Variants in FAM228B observed in about 807,000 individuals in gnomAD.
FAM228B encodes the protein protein FAM228B.
Under a neutral mutation model 42.6 loss-of-function variants are expected in FAM228B, and 38 were observed. The observed-to-expected ratio is 0.89, with a 90% CI of 0.69 to 1.17. The LOEUF (loss-of-function observed/expected upper bound fraction) is 1.17, where lower values mean the gene tolerates loss of function less well. Ranked by LOEUF, FAM228B falls within the 50% of genes most tolerant of loss-of-function variation. FAM228B has a pLI of 0.00. For synonymous variants in FAM228B, 109 were observed against 122.3 expected (o/e 0.89, Z 0.72); for missense variants, 344 against 367.3 (o/e 0.94, Z 0.52).
chr2:24,090,174 A>G (rs1342816441), intron 2 of FAM228B, among the ~76,000 whole-genome samples: 3 of 151,514 alleles, frequency 2.0e-5, no homozygotes, highest in South Asian at 2.1e-4. Flanking sequence ...AGGTTGAAGC[A>G]GGAGAATGGC....
At chr2:24,091,572 C>G (rs1185193811) in intron 2 of FAM228B, among the ~76,000 whole-genome samples, 4 of 152,078 alleles carry the variant, frequency 2.6e-5, no homozygotes, top group Admixed American at 2.6e-4. Flanking sequence ...ACACCAGAAT[C>G]AATAGCTTTA....
intron 3 of FAM228B, among the ~76,000 whole-genome samples, chr2:24,104,156 G>C (rs1020415678): frequency 2.6e-5 from 4 of 152,200 alleles, no homozygotes; most frequent in Non-Finnish European, 5.9e-5. Flanking sequence ...ATGGAGCCAG[G>C]AGAACCTCTC....
rs948412414 is a variant in FAM228B, at chr2:24,095,356, C to T, written c.-121+127C>T. The stretch of plus-strand genomic sequence containing the variant: ...GGTCAGGGGATTTCCCTTTCCTAGC[C>T]AAGGGAAGCCGTGACAGACTACCTG... On this transcript the variant is annotated intron_variant, in intron 3 of 10. Transcript: ENST00000613899. The surrounding 1 kb of genome is among the most constrained non-coding windows in gnomAD (Gnocchi z 4.8). 6.6e-6 allele frequency: 1 copy of T among 152,304 alleles called. No homozygotes were observed. Among genetic ancestry groups the T allele is most frequent in the Admixed American group, 6.5e-5 (1 of 15,290 alleles). The allele number at this position is 152,304 out of a possible 1,614,324, so 9.4% of individuals were successfully genotyped here.
At chr2:24,091,138 T>C (rs181039822) in intron 2 of FAM228B, among the ~76,000 whole-genome samples, 2 of 152,352 alleles carry the variant, frequency 1.3e-5, no homozygotes, top group East Asian at 1.9e-4. Context: ...GATATGATTG[T>C]AGACTTAGAA....
At chr2:24,096,815 C>G (rs1573734655) in intron 3 of FAM228B, 1 of 151,968 alleles carries the variant, frequency 6.6e-6, no homozygotes, top group Non-Finnish European at 1.5e-5. Context: ...GAAGAGCAAC[C>G]CCAAGACACA....
At chr2:24,152,260 C>T (rs1225356322) in intron 7 of FAM228B, among the ~76,000 whole-genome samples, 1 of 152,192 alleles carries the variant, frequency 6.6e-6, no homozygotes, top group Non-Finnish European at 1.5e-5. Flanking sequence ...CTTTGAGTTT[C>T]TTCAGAATAG....
At chr2:24,085,445 G>A (rs1190368524) in intron 2 of FAM228B, among the ~76,000 whole-genome samples, 1 of 152,076 alleles carries the variant, frequency 6.6e-6, no homozygotes, top group Non-Finnish European at 1.5e-5. Flanking sequence ...AGGATGTTTA[G>A]CAGCATCCCT....
intron 7 of FAM228B, among the ~76,000 whole-genome samples, chr2:24,156,260 G>A (rs889789083): frequency 1.3e-5 from 2 of 152,148 alleles, no homozygotes; most frequent in South Asian, 4.1e-4. Flanking sequence ...AAATATCAGG[G>A]TTCTTCTTTA....
intron 3 of FAM228B, among the ~76,000 whole-genome samples, chr2:24,100,674 A>G (rs911885198): frequency 6.6e-6 from 1 of 152,228 alleles, no homozygotes; most frequent in Non-Finnish European, 1.5e-5. Flanking sequence ...GGGAGTGTAA[A>G]TTAGTTCAAC....
intron 8 of FAM228B, among the ~76,000 whole-genome samples, chr2:24,163,272 G>A (rs1667323602): frequency 6.6e-6 from 1 of 152,174 alleles, no homozygotes; most frequent in Non-Finnish European, 1.5e-5. Context: ...AAGCTGGAGG[G>A]CTTTTAGAGA....
chr2:24,088,590 A>T (rs1315881411), intron 2 of FAM228B, among the ~76,000 whole-genome samples: 1 of 152,202 alleles, frequency 6.6e-6, no homozygotes, highest in Non-Finnish European at 1.5e-5. Flanking sequence ...GGCTCAAGAG[A>T]TCCACCTGCT....
At chr2:24,110,772 C>G (rs183426760) in intron 3 of FAM228B, among the ~76,000 whole-genome samples, 42 of 152,270 alleles carry the variant, frequency 2.8e-4, no homozygotes, top group Admixed American at 4.6e-4. Context: ...GACTCCCCCC[C>G]CAAATCTGTA....
At chr2:24,083,097 G>A in intron 2 of FAM228B, 1 of 1,614,036 alleles carries the variant, frequency 6.2e-7, no homozygotes, top group Non-Finnish European at 8.5e-7. Context: ...ATGTCCAGAT[G>A]CCTCAAGTCC....
At chr2:24,161,341 G>A (rs775920161) in intron 7 of FAM228B, among the ~76,000 whole-genome samples, 165 bp from the exon 8 acceptor site, 4 of 152,064 alleles carry the variant, frequency 2.6e-5, no homozygotes, top group Non-Finnish European at 4.4e-5. Context: ...TAGCTGCTTC[G>A]GAGGGTGGCT....
At position 24,088,039 on chromosome 2, in the gene FAM228B, G is replaced by A. The variant is rs570830177; in HGVS notation, c.-210+7084G>A. ...ATTACAGGCGTGAGCCACTGGGTCC[G>A]GCCCATTTTTGTGGTTTTAGTAGAA... On this transcript the variant is annotated intron_variant, in intron 2 of 10. Transcript: ENST00000613899. Among the ~76,000 whole-genome samples the A allele has an allele frequency of 3.7e-4, 56 of 152,098 alleles. No individual in the cohort carries two copies. The South Asian group carries it at 9.3e-3, about 25-fold the overall frequency.
chr2:24,107,150 C>G (rs1449177592), intron 3 of FAM228B, among the ~76,000 whole-genome samples: 1 of 152,194 alleles, frequency 6.6e-6, no homozygotes, highest in South Asian at 2.1e-4. Context: ...ACAAAATGGA[C>G]TTTAACCTAA....
rs142463446 is a variant in FAM228B at position 24,165,398 on chromosome 2, C to A, written c.932+1063C>A. 32 of 471,166 alleles carry A rather than the reference C, an allele frequency of 6.8e-5. No individual in the cohort carries two copies. The East Asian group carries it at 1.5e-3, about 23-fold the overall frequency. 29.2% of individuals were successfully genotyped at this position (471,166 alleles called of 1,614,324 possible). A position where few individuals can be genotyped will look rare whatever the true frequency, so the allele number is the denominator to read the frequency against. ...GTCCTCTCTGTGCAGATGTGATCATCCCTCCAACTCCTAGTACCAGCCCCT... is the reference window on the plus strand; with the variant it reads ...GTCCTCTCTGTGCAGATGTGATCATACCTCCAACTCCTAGTACCAGCCCCT... On this transcript the variant is annotated intron_variant, in intron 9 of 10. Transcript: ENST00000615575.
At chr2:24,132,461 A>ATTTTTTTTT in intron 2 of FAM228B, among the ~76,000 whole-genome samples, 1 of 61,524 alleles carries the variant, frequency 1.6e-5, no homozygotes, top group Non-Finnish European at 3.2e-5. Flanking sequence ...TGGTCCTGGG[A>ATTTTTTTTT]TTGTTTTTTT....
At chr2:24,100,362 C>A (rs1371359045) in intron 3 of FAM228B, among the ~76,000 whole-genome samples, 1 of 152,202 alleles carries the variant, frequency 6.6e-6, no homozygotes, top group Non-Finnish European at 1.5e-5. Flanking sequence ...TTTTTGCAAT[C>A]TGCCCATCTG....
Sources: allele counts gnomAD v4.1 joint callset (sites outside exome capture counted in the v4.1 genomes callset), GRCh38; gene constraint gnomAD v4.1.1; non-coding constraint Gnocchi (gnomAD v3.1); transcripts MANE v1.5; gene names NCBI Gene and HGNC (gene_info 2026-07-23, HGNC 2026-07-21).